The following PET100 variants were observed in gnomAD, a reference collection of about 807,000 sequenced individuals.
PET100 encodes protein PET100 homolog, mitochondrial.
In PET100, 13 loss-of-function variants were observed where a neutral mutation model predicts 13.6. The ratio of observed to expected loss-of-function variants is 0.96; its 90% CI spans 0.62 to 1.52. The LOEUF is 1.52. PET100 is among the 40% of genes most tolerant of loss of function. The pLI, the probability that PET100 is intolerant of heterozygous loss-of-function variation, is 0.00. For synonymous variants in PET100, 28 were observed against 30.8 expected (o/e 0.91, Z 0.30); for missense variants, 94 against 95.3 (o/e 0.99, Z 0.06).
In PET100 at chr19:7,631,816, T is replaced by A. The variant is rs368020640; in HGVS notation, c.*260T>A. ...TCGTTTCTGTGCTCCGTCCTGTGGA[T>A]GAAGAGGGGTCAGCCAGGGGGAGGG... On this transcript the variant is annotated 3_prime_UTR_variant, in exon 4 of 4. Transcript: ENST00000594797. 1 of 1,388,024 alleles carries A rather than the reference T, an allele frequency of 7.2e-7. No individual in the cohort carries two copies. Among genetic ancestry groups the A allele is most frequent in the African/African-American group, 1.5e-5 (1 of 67,600 alleles). The allele number at this position is 1,388,024 out of a possible 1,614,324, so 86.0% of individuals were successfully genotyped here.
Position 7,631,833 on chromosome 19 carries a change from G to T in PET100, c.*277G>T. 7.2e-7 allele frequency: 1 copy of T among 1,384,558 alleles called. No individual in the cohort carries two copies. The highest frequency in any genetic ancestry group is 9.4e-7 in the Non-Finnish European group (1 of 1,063,446). 85.8% of individuals were successfully genotyped at this position (1,384,558 alleles called of 1,614,324 possible). A position where few individuals can be genotyped will look rare whatever the true frequency, so the allele number is the denominator to read the frequency against. On this transcript the variant is annotated 3_prime_UTR_variant, in exon 4 of 4. Transcript: ENST00000594797. ...CCTGTGGATGAAGAGGGGTCAGCCA[G>T]GGGGAGGGCTCAAGGGCAGTGCCGG...
chr19:7,631,372 C>A, intron 3 of PET100, 101 bp from the exon 4 acceptor site: 1 of 804,978 alleles, frequency 1.2e-6, no homozygotes, highest in South Asian at 2.0e-5. Flanking sequence ...AAGCCGTGGT[C>A]TGGGGCAGGG....
chr19:7,630,396 T>G, intron 1 of PET100, 177 bp from the exon 2 acceptor site: 1 of 608,132 alleles, frequency 1.6e-6, no homozygotes, highest in Non-Finnish European at 2.9e-6. Flanking sequence ...TCCTGGATTA[T>G]AGGAGTTAGG....
Position 7,631,671 on chromosome 19 carries a change from C to A in PET100, c.*115C>A. On this transcript the variant is annotated 3_prime_UTR_variant, in exon 4 of 4. Transcript: ENST00000594797. Reference sequence around the variant, plus strand: ...TCAGTTTTTGGGGGCCGAGTGAGACCCAGGATGCCTCAGGCCCTCAGGGGG... The same window carrying A: ...TCAGTTTTTGGGGGCCGAGTGAGACACAGGATGCCTCAGGCCCTCAGGGGG... 1 of 1,466,790 alleles carries A rather than the reference C, an allele frequency of 6.8e-7. No individual in the cohort carries two copies. 90.9% of individuals were successfully genotyped at this position (1,466,790 alleles called of 1,614,324 possible). A position where few individuals can be genotyped will look rare whatever the true frequency, so the allele number is the denominator to read the frequency against.
At chr19:7,630,469 C>A in intron 1 of PET100, 104 bp from the exon 2 acceptor site, 2 of 905,380 alleles carry the variant, frequency 2.2e-6, no homozygotes, top group Non-Finnish European at 3.4e-6. Context: ...TCGGCCGTAA[C>A]GAGGCGCTTC....
chr19:7,631,409 T>TGGGGGGGGGGGGGGGGGGG (rs1221264166), intron 3 of PET100, 64 bp from the exon 4 acceptor site: 19 of 639,444 alleles, frequency 3.0e-5, no homozygotes, highest in Non-Finnish European at 3.2e-5. Context: ...CGGGGGGGGG[T>TGGGGGGGGGGGGGGGGGGG]GGTCCCGGCT....
Position 7,631,834 on chromosome 19 carries a change from G to A in PET100, c.*278G>A. On this transcript the variant is annotated 3_prime_UTR_variant, in exon 4 of 4. Coordinates refer to ENST00000594797, the MANE Select transcript of PET100 (RefSeq NM_001171155.2). ...CTGTGGATGAAGAGGGGTCAGCCAG[G>A]GGGAGGGCTCAAGGGCAGTGCCGGC... 3.6e-6 allele frequency: 5 copies of A among 1,384,308 alleles called. No homozygotes were observed. Among genetic ancestry groups the A allele is most frequent in the Non-Finnish European group, 3.8e-6 (4 of 1,063,254 alleles). The allele number at this position is 1,384,308 out of a possible 1,614,324, so 85.8% of individuals were successfully genotyped here.
At chr19:7,631,399 C>CGGGGGGGGGGG in intron 3 of PET100, 74 bp from the exon 4 acceptor site, 2 of 583,154 alleles carry the variant, frequency 3.4e-6, no homozygotes, top group Non-Finnish European at 4.9e-6. Flanking sequence ...GAGAGGTGGG[C>CGGGGGGGGGGG]GGGGGGGGGT....
intron 3 of PET100, chr19:7,631,101 G>C (rs1165124034): frequency 2.7e-6 from 2 of 742,188 alleles, no homozygotes; most frequent in Non-Finnish European, 4.2e-6. Context: ...CCAGCTGCTT[G>C]GGAGGCTGAG....
rs1389016379 is a variant in PET100 at position 7,631,612 on chromosome 19, TC to T, written c.*58del. ...CTGATGAAATATACATATACTCAGT[TC>T]CTTGTTATTCATTTAAGTGTTTTAT... On this transcript the variant is annotated 3_prime_UTR_variant, in exon 4 of 4. Transcript: ENST00000594797. 2 of 1,470,492 alleles carry T rather than the reference TC, an allele frequency of 1.4e-6. No homozygotes were observed. The highest frequency in any genetic ancestry group is 2.6e-5 in the South Asian group (2 of 76,532). The allele number at this position is 1,470,492 out of a possible 1,614,324, so 91.1% of individuals were successfully genotyped here. A position where few individuals can be genotyped will look rare whatever the true frequency, so the allele number is the denominator to read the frequency against.
In PET100 at chr19:7,631,404, GGGGGT is replaced by G. The variant is rs2031289998; in HGVS notation, c.139-66_139-62del. ...AGGGTGGTGGGAGAGGTGGGCGGGG[GGGGGT>G]GGTCCCGGCTCTGAGGTGTGTGCCC... On this transcript the variant is annotated intron_variant, in intron 3 of 3. Coordinates refer to ENST00000594797, the MANE Select transcript of PET100 (RefSeq NM_001171155.2). The G allele has an allele frequency of 2.8e-6, 3 of 1,065,392 alleles. No homozygotes were observed. The African/African-American group carries it at 4.8e-5, about 17-fold the overall frequency. 66.0% of individuals were successfully genotyped at this position (1,065,392 alleles called of 1,614,324 possible).
intron 1 of PET100, chr19:7,630,254 T>G: frequency 2.2e-6 from 1 of 457,102 alleles, no homozygotes; most frequent in Non-Finnish European, 3.9e-6. Context: ...TTGGGGGTGC[T>G]CCCGGGATCT....
At chr19:7,630,957 C>G in intron 3 of PET100, 111 bp downstream of exon 3, 2 of 1,363,064 alleles carry the variant, frequency 1.5e-6, no homozygotes, top group Non-Finnish European at 2.0e-6. Context: ...TGCTTGTAAT[C>G]CCAGGGCATG....
In PET100 at chr19:7,630,572, G is replaced by A; in HGVS notation, c.28-1G>A. The A allele has an allele frequency of 6.5e-7, 1 of 1,536,542 alleles. No individual in the cohort carries two copies. Among genetic ancestry groups the A allele is most frequent in the Non-Finnish European group, 8.7e-7 (1 of 1,146,226 alleles). On this transcript the variant is annotated splice_acceptor_variant, in intron 1 of 3. Transcript: ENST00000594797. LOFTEE classifies it high-confidence loss of function. ...ACCTCACCCACCCTCTGCCATTCCA[G>A]ATGATAATCTACCTCACTTTCCCTG...
intron 1 of PET100, 24 bp from the exon 2 acceptor site, chr19:7,630,549 C>A: frequency 6.6e-7 from 1 of 1,522,652 alleles, no homozygotes; most frequent in South Asian, 1.2e-5. Flanking sequence ...GGGAGCTCAC[C>A]TCACCCACCC....
At chr19:7,630,756 G>T (rs2031263657) in intron 2 of PET100, 67 bp from the exon 3 acceptor site, 1 of 1,536,060 alleles carries the variant, frequency 6.5e-7, no homozygotes, top group Non-Finnish European at 8.7e-7. Context: ...CCCATAAGCC[G>T]ACCCTGCCCT....
intron 1 of PET100, chr19:7,630,093 G>C: frequency 2.0e-6 from 1 of 512,514 alleles, no homozygotes; most frequent in Non-Finnish European, 3.4e-6. Flanking sequence ...TCCGAGGAAG[G>C]ACCTCAGAGA....
intron 3 of PET100, chr19:7,631,154 G>C: frequency 9.7e-7 from 1 of 1,034,676 alleles, no homozygotes; most frequent in Non-Finnish European, 1.3e-6. Flanking sequence ...GTTGCAGTGA[G>C]CCCAAGATCA....
rs2031322650 is a variant in PET100 at position 7,631,836 on chromosome 19, G to A, written c.*280G>A. 1 of 1,384,038 alleles carries A rather than the reference G, an allele frequency of 7.2e-7. No individual in the cohort carries two copies. The highest frequency in any genetic ancestry group is 2.1e-5 in the South Asian group (1 of 47,726). The allele number at this position is 1,384,038 out of a possible 1,614,324, so 85.7% of individuals were successfully genotyped here. ...GTGGATGAAGAGGGGTCAGCCAGGG[G>A]GAGGGCTCAAGGGCAGTGCCGGCCA... On this transcript the variant is annotated 3_prime_UTR_variant, in exon 4 of 4. Transcript: ENST00000594797.
Sources: allele counts gnomAD v4.1 joint callset, GRCh38; gene constraint gnomAD v4.1.1; transcripts MANE v1.5; gene names NCBI Gene and HGNC (gene_info 2026-07-23, HGNC 2026-07-21).